TJP1: variants seen among roughly 807,000 people sequenced by gnomAD.
TJP1 encodes tight junction protein ZO-1.
In TJP1, 43 loss-of-function variants were observed where a neutral mutation model predicts 194.2. That is an observed-to-expected ratio of 0.22 (90% CI 0.17 to 0.29). The LOEUF is 0.29. TJP1 is among the 10% of genes least tolerant of loss of function. The pLI, the probability that TJP1 is intolerant of heterozygous loss-of-function variation, is 1.00. For missense variants in TJP1, 1,971 were observed against 2,185.7 expected, an observed-to-expected ratio of 0.90 and a Z score of 1.96; for synonymous variants, 801 against 779.0, an observed-to-expected ratio of 1.03 and a Z score of -0.47.
At position 29,718,912 on chromosome 15, in the gene TJP1, C is replaced by T. The variant is rs140507225; in HGVS notation, c.3230G>A (p.Arg1077His). 3.0e-4 allele frequency: 482 copies of T among 1,614,084 alleles called. 2 individuals carry two copies. The East Asian group carries it at 7.3e-3, about 24-fold the overall frequency. The change falls in exon 21 of 28, where the codon CGT becomes CAT. Residue 1077 changes from arginine to histidine, a missense_variant. Physicochemically the swap from Arg to His is conservative, Grantham distance 29. Coordinates refer to ENST00000614355, the MANE Select transcript of TJP1 (RefSeq NM_001330239.4). The stretch of plus-strand genomic sequence containing the variant: ...GGGGACGCGATCTTCGTATCGCAGA[C>T]GATGTTCATAGTTTCGAGAAAACTG... ...TDQFSRNYEH[R>H]LRYEDRVPMY... is the part of the protein sequence containing the mutation.
At chr15:29,748,959 T>C (rs7496650) in intron 8 of TJP1, among the ~76,000 whole-genome samples, 1,118 of 37,890 alleles carry the variant, frequency 0.03, 6 homozygotes, top group Admixed American at 0.038. Context: ...TGTGTGCGCG[T>C]GTGTGCGCGC....
chr15:29,928,522 G>A (rs937609621), intron 2 of TJP1, among the ~76,000 whole-genome samples: 1 of 152,140 alleles, frequency 6.6e-6, no homozygotes, highest in Non-Finnish European at 1.5e-5. Flanking sequence ...CTATGGCAAG[G>A]TTATACATCC....
chr15:29,743,542 T>C (rs1436716496), intron 8 of TJP1, among the ~76,000 whole-genome samples: 7 of 152,078 alleles, frequency 4.6e-5, no homozygotes, highest in Admixed American at 2.0e-4. Context: ...CTGGGCAACA[T>C]AGCAAATTCC....
At chr15:29,949,900 A>C (rs377353655) in intron 2 of TJP1, among the ~76,000 whole-genome samples, 424 of 23,432 alleles carry the variant, frequency 0.018, no homozygotes, top group Middle Eastern at 0.031. Flanking sequence ...CCACCTCCAC[A>C]ACCACCACCT....
intron 2 of TJP1, among the ~76,000 whole-genome samples, chr15:29,876,342 A>T (rs2052698517): frequency 6.6e-6 from 1 of 152,122 alleles, no homozygotes; most frequent in South Asian, 2.1e-4. Context: ...CAACATGGTG[A>T]AACTCCGTCT....
intron 2 of TJP1, among the ~76,000 whole-genome samples, chr15:29,890,680 T>C (rs936560436): frequency 4.6e-5 from 7 of 152,138 alleles, no homozygotes; most frequent in African/African-American, 1.4e-4. Flanking sequence ...ATAAAAAATA[T>C]GTTGAAAAAT....
chr15:29,846,828 C>T (rs1477545481), intron 2 of TJP1, among the ~76,000 whole-genome samples: 5 of 151,652 alleles, frequency 3.3e-5, no homozygotes, highest in African/African-American at 4.8e-5. Flanking sequence ...CAGGAGGCTG[C>T]GGCAGGAGAA....
At chr15:29,743,600 TC>T (rs1414230197) in intron 8 of TJP1, among the ~76,000 whole-genome samples, 6 of 152,126 alleles carry the variant, frequency 3.9e-5, no homozygotes, top group Non-Finnish European at 7.3e-5. Flanking sequence ...TGTCACTTGT[TC>T]CTACAGTCCT....
At chr15:29,803,862 T>A (rs2048943929) in intron 1 of TJP1, among the ~76,000 whole-genome samples, 1 of 152,044 alleles carries the variant, frequency 6.6e-6, no homozygotes, top group Non-Finnish European at 1.5e-5. Flanking sequence ...TCAAAAAACT[T>A]CTCTGTTAAA....
intron 1 of TJP1, among the ~76,000 whole-genome samples, chr15:29,811,534 C>G (rs2049510952): frequency 6.6e-6 from 1 of 152,092 alleles, no homozygotes; most frequent in Non-Finnish European, 1.5e-5. Flanking sequence ...ATAGAACTTG[C>G]TAATCAACCA....
chr15:29,966,972 C>T (rs1174909734), intron 1 of TJP1, among the ~76,000 whole-genome samples: 1 of 151,838 alleles, frequency 6.6e-6, no homozygotes, highest in Non-Finnish European at 1.5e-5. Flanking sequence ...TGTGGCTAAC[C>T]TTGTCTTCTA....
At chr15:29,724,531 A>G (rs1048124633) in intron 18 of TJP1, among the ~76,000 whole-genome samples, 3 of 152,222 alleles carry the variant, frequency 2.0e-5, no homozygotes, top group African/African-American at 7.2e-5. Context: ...AGCAAGAACG[A>G]TGGGTTGCTT....
At chr15:29,949,255 C>T (rs1417644080) in intron 2 of TJP1, among the ~76,000 whole-genome samples, 15 of 118,978 alleles carry the variant, frequency 1.3e-4, no homozygotes, top group African/African-American at 5.3e-4. Context: ...TCACCACCAC[C>T]TCCACCACCA....
chr15:29,716,761 T>A lies in TJP1; in HGVS notation c.4052A>T (p.Asp1351Val). Residue 1351 changes from aspartate to valine, a missense_variant, in exon 23 of 28, where the codon GAT becomes GTT. By Grantham distance (152) the Asp-to-Val change is radical. Around this residue, in one of 5 missense-constraint regions of TJP1, gnomAD observed 1,108 missense variants for 1,128.5 expected, o/e 0.98. Transcript: ENST00000614355. ...CAGCTGTTTTCGATAATATTCTTCA[T>A]CTTCTTCAGGGTCATAATGATTGGA... is the stretch of plus-strand genomic sequence containing the variant. ...VRSNHYDPEE[D>V]EEYYRKQLSY... The A allele has an allele frequency of 1.2e-6, 2 of 1,614,178 alleles. No individual in the cohort carries two copies. Among genetic ancestry groups the A allele is most frequent in the East Asian group, 4.5e-5 (2 of 44,884 alleles).
chr15:29,822,509 G>T, upstream of TJP1: 1 of 984,846 alleles, frequency 1.0e-6, no homozygotes, highest in East Asian at 1.1e-4. Context: ...GCCCGGCCCG[G>T]CGGGGGCGGG....
intron 2 of TJP1, among the ~76,000 whole-genome samples, chr15:29,850,771 C>T (rs1337017155): frequency 2.6e-5 from 4 of 151,922 alleles, no homozygotes; most frequent in African/African-American, 9.7e-5. Context: ...TGTTTGAGCC[C>T]AGGAGGTAGA....
chr15:29,914,091 G>C (rs528757377), intron 2 of TJP1, among the ~76,000 whole-genome samples: 11 of 152,172 alleles, frequency 7.2e-5, no homozygotes, highest in Middle Eastern at 6.8e-3. Context: ...ATATAGTATT[G>C]GAATAAGCTG....
intron 2 of TJP1, among the ~76,000 whole-genome samples, chr15:29,833,857 GTATATATATATA>G (rs71416436): frequency 1.2e-4 from 3 of 25,870 alleles, no homozygotes; most frequent in Non-Finnish European, 1.4e-4. Flanking sequence ...ATTTTTGTAA[GTATATATATATA>G]TATATATATA....
At chr15:29,872,516 G>C (rs1288128963) in intron 2 of TJP1, among the ~76,000 whole-genome samples, 1 of 152,144 alleles carries the variant, frequency 6.6e-6, no homozygotes, top group Non-Finnish European at 1.5e-5. Flanking sequence ...AGGGCCTTAA[G>C]GCACATAACC....
Sources: allele counts gnomAD v4.1 joint callset (sites outside exome capture counted in the v4.1 genomes callset), GRCh38; gene constraint gnomAD v4.1.1; regional missense constraint gnomAD v4.1.1; transcripts MANE v1.5; gene names NCBI Gene and HGNC (gene_info 2026-07-23, HGNC 2026-07-21).